PRKN: variants seen among roughly 807,000 people sequenced by gnomAD.
PRKN encodes parkin RBR E3 ubiquitin protein ligase, also known as E3 ubiquitin-protein ligase parkin.
Under a neutral mutation model 59.5 loss-of-function variants are expected in PRKN, and 56 were observed. The ratio of observed to expected loss-of-function variants is 0.94; its 90% CI spans 0.76 to 1.18. The LOEUF (loss-of-function observed/expected upper bound fraction) is 1.18, where lower values mean the gene tolerates loss of function less well. Among genes scored for constraint, PRKN ranks in the 50% most tolerant of loss-of-function variants. The pLI is 0.00. For synonymous variants in PRKN, 250 were observed against 222.1 expected, an observed-to-expected ratio of 1.13 and a Z score of -1.12; for missense variants, 657 against 596.4, an observed-to-expected ratio of 1.10 and a Z score of -1.06.
At chr6:161,515,939 A>AT (rs1230241056) in intron 9 of PRKN, among the ~76,000 whole-genome samples, 1 of 152,076 alleles carries the variant, frequency 6.6e-6, no homozygotes, top group Non-Finnish European at 1.5e-5. Flanking sequence ...AAAGGAGAAA[A>AT]TTTTTTTTCC....
At chr6:161,684,387 C>CA (rs897377499) in intron 7 of PRKN, among the ~76,000 whole-genome samples, 3 of 151,820 alleles carry the variant, frequency 2.0e-5, no homozygotes, top group East Asian at 3.9e-4. Flanking sequence ...TGCCCAATCT[C>CA]AAAAAAATAT....
intron 1 of PRKN, among the ~76,000 whole-genome samples, chr6:162,588,896 A>C (rs1781186327): frequency 6.6e-6 from 1 of 152,092 alleles, no homozygotes; most frequent in Non-Finnish European, 1.5e-5. Context: ...CCATAAAGAA[A>C]GCTTCTGGGT....
At chr6:162,202,222 A>G (rs1784759931) in intron 3 of PRKN, among the ~76,000 whole-genome samples, 1 of 152,106 alleles carries the variant, frequency 6.6e-6, no homozygotes, top group African/African-American at 2.4e-5. Flanking sequence ...AACATTTGGA[A>G]TGAAAATCTT....
At chr6:162,666,214 T>C (rs1015671840) in intron 1 of PRKN, among the ~76,000 whole-genome samples, 1 of 152,064 alleles carries the variant, frequency 6.6e-6, no homozygotes, top group Non-Finnish European at 1.5e-5. Flanking sequence ...GTTTCTATCA[T>C]GTGAGATACA....
chr6:162,040,468 C>T (rs1257083295), intron 5 of PRKN, among the ~76,000 whole-genome samples: 4 of 150,080 alleles, frequency 2.7e-5, no homozygotes, highest in Non-Finnish European at 4.4e-5. Flanking sequence ...TGCAATGGCA[C>T]GGTCTTGGCT....
chr6:162,630,636 A>G (rs1461975836), intron 1 of PRKN, among the ~76,000 whole-genome samples: 1 of 152,152 alleles, frequency 6.6e-6, no homozygotes, highest in Non-Finnish European at 1.5e-5. Context: ...CACAATCAGA[A>G]GCAAAGATAT....
intron 1 of PRKN, among the ~76,000 whole-genome samples, chr6:162,530,053 C>T (rs1400056039): frequency 6.6e-6 from 1 of 151,714 alleles, no homozygotes; most frequent in African/African-American, 2.4e-5. Context: ...TTGCTTGAAC[C>T]TGGGAGGTGG....
chr6:161,736,945 C>T (rs1404835044), intron 7 of PRKN, among the ~76,000 whole-genome samples: 1 of 152,184 alleles, frequency 6.6e-6, no homozygotes, highest in Non-Finnish European at 1.5e-5. Flanking sequence ...TGTAAAGTCT[C>T]TGGTTTGTGT....
chr6:161,920,871 A>G (rs937081556), intron 6 of PRKN, among the ~76,000 whole-genome samples: 2 of 152,082 alleles, frequency 1.3e-5, no homozygotes, highest in Non-Finnish European at 2.9e-5. Flanking sequence ...CTCCTGATTC[A>G]GTGAGTGAGT....
intron 1 of PRKN, among the ~76,000 whole-genome samples, chr6:162,467,700 A>G (rs529528946): frequency 6.6e-6 from 1 of 152,178 alleles, no homozygotes; most frequent in South Asian, 2.1e-4. Context: ...CCTACTTTAA[A>G]GGCCTCAATG....
At chr6:162,110,684 G>A (rs1006133553) in intron 4 of PRKN, among the ~76,000 whole-genome samples, 6 of 152,130 alleles carry the variant, frequency 3.9e-5, no homozygotes, top group Non-Finnish European at 5.9e-5. Context: ...ATAAGAAAAA[G>A]GCAACCTTGA....
At chr6:162,568,875 A>G (rs1203263618) in intron 1 of PRKN, 6 of 703,556 alleles carry the variant, frequency 8.5e-6, no homozygotes, top group African/African-American at 1.7e-5. Flanking sequence ...GTGTACAGAG[A>G]TGGAGAATGA....
At chr6:161,367,149 C>T (rs1443895100) in intron 10 of PRKN, among the ~76,000 whole-genome samples, 1 of 151,836 alleles carries the variant, frequency 6.6e-6, no homozygotes, top group Non-Finnish European at 1.5e-5. Context: ...CGCCACCACG[C>T]CCGGCTAATT....
intron 3 of PRKN, among the ~76,000 whole-genome samples, chr6:162,217,848 A>T (rs1777753012): frequency 6.6e-6 from 1 of 152,186 alleles, no homozygotes; most frequent in Non-Finnish European, 1.5e-5. Flanking sequence ...AGTAAGCAAT[A>T]TTCACCTTTC....
At chr6:161,929,092 G>A (rs1337180347) in intron 6 of PRKN, among the ~76,000 whole-genome samples, 1 of 152,118 alleles carries the variant, frequency 6.6e-6, no homozygotes, top group Non-Finnish European at 1.5e-5. Flanking sequence ...CAGGTGAATG[G>A]ATAAACAAAA....
chr6:162,484,425 T>C (rs372857177), intron 1 of PRKN, among the ~76,000 whole-genome samples: 3 of 152,248 alleles, frequency 2.0e-5, no homozygotes, highest in African/African-American at 7.2e-5. Flanking sequence ...GTTGATACTG[T>C]AACTAGATAT....
intron 5 of PRKN, among the ~76,000 whole-genome samples, chr6:162,012,400 T>C (rs751779578): frequency 6.6e-6 from 1 of 151,890 alleles, no homozygotes; most frequent in Non-Finnish European, 1.5e-5. Context: ...AAAGTAAATA[T>C]ATGCATATAT....
chr6:162,557,222 C>T (rs907169419), intron 1 of PRKN, among the ~76,000 whole-genome samples: 3 of 152,216 alleles, frequency 2.0e-5, no homozygotes, highest in African/African-American at 4.8e-5. Flanking sequence ...AACTGCCACA[C>T]TTAATCCCCT....
intron 7 of PRKN, among the ~76,000 whole-genome samples, chr6:161,630,508 CAG>C (rs1038025271): frequency 1.3e-5 from 2 of 152,108 alleles, no homozygotes; most frequent in African/African-American, 4.8e-5. Context: ...TTTCCAAAAG[CAG>C]AGAGTATCTT....
Sources: gnomAD v4.1 joint callset for allele counts (sites outside exome capture counted in the v4.1 genomes callset) on GRCh38, gnomAD v4.1.1 for gene constraint, MANE v1.5 for transcripts, NCBI Gene and HGNC (gene_info 2026-07-23, HGNC 2026-07-21) for gene names.